The following TOPAZ1 variants were observed in gnomAD, a reference collection of about 807,000 sequenced individuals.
The protein encoded by TOPAZ1 is testis and ovary specific TOPAZ 1, also known as protein TOPAZ1.
TOPAZ1 carries 66 observed loss-of-function variants against 172.2 expected under a neutral mutation model. The observed-to-expected ratio is 0.38, with a 90% CI of 0.31 to 0.47. The LOEUF (loss-of-function observed/expected upper bound fraction) is 0.47, where lower values mean the gene tolerates loss of function less well. Ranked by LOEUF, TOPAZ1 falls within the 20% of genes least tolerant of loss-of-function variation. The pLI is 0.99. For synonymous variants in TOPAZ1, 681 were observed against 683.9 expected (o/e 1.00, Z 0.07); for missense variants, 1,822 against 1,972.4 (o/e 0.92, Z 1.44).
chr3:44,263,471 T>C (rs1172203907), intron 5 of TOPAZ1, among the ~76,000 whole-genome samples: 1 of 152,232 alleles, frequency 6.6e-6, no homozygotes, highest in African/African-American at 2.4e-5. Flanking sequence ...CTCTTCCATC[T>C]ATAAAAATTC....
chr3:44,328,594 TTAAAC>T (rs1454272084), intron 19 of TOPAZ1, among the ~76,000 whole-genome samples, 161 bp downstream of exon 19: 2 of 152,162 alleles, frequency 1.3e-5, no homozygotes, highest in Non-Finnish European at 2.9e-5. Flanking sequence ...CTGATATCAT[TTAAAC>T]TAAGAAAGGA....
At chr3:44,272,601 G>A (rs575118260) in intron 8 of TOPAZ1, among the ~76,000 whole-genome samples, 2 of 152,034 alleles carry the variant, frequency 1.3e-5, no homozygotes, top group African/African-American at 4.8e-5. Context: ...TTGCTCTGTT[G>A]CCCAGGCTGG....
intron 11 of TOPAZ1, among the ~76,000 whole-genome samples, chr3:44,289,527 G>A (rs371141671): frequency 2.6e-5 from 4 of 152,118 alleles, no homozygotes; most frequent in South Asian, 2.1e-4. Context: ...GTTGAATAAC[G>A]TGTCTTAGGG....
chr3:44,278,981 T>G lies in TOPAZ1; in HGVS notation c.3373-2987T>G, dbSNP rs190728326. 3.4e-4 allele frequency among the ~76,000 whole-genome samples: 52 copies of G among 152,274 alleles called. 1 individual carries two copies. The highest frequency in any genetic ancestry group is 1.3e-3 in the African/African-American group (52 of 41,580). ...ACATAGGCATTTAATGCTATAAACT[T>G]CCCTTTTAGAATAGTTGTTGCTATA... On this transcript the variant is annotated intron_variant, in intron 8 of 19. Transcript: ENST00000309765.
intron 18 of TOPAZ1, among the ~76,000 whole-genome samples, chr3:44,323,935 A>G (rs976984964): frequency 5.3e-5 from 8 of 152,174 alleles, no homozygotes; most frequent in African/African-American, 1.9e-4. Flanking sequence ...TTCTGCCTTC[A>G]TGCAGTAATT....
Position 44,321,683 on chromosome 3 carries a change from A to T in TOPAZ1, c.4471+492A>T, listed in dbSNP as rs567976465. On this transcript the variant is annotated intron_variant, in intron 17 of 19. Transcript: ENST00000309765. ...CTTTGGGTCAAGAATGAGCTATGTGATAGGTTCAGAGGATGACGAAAACGT... is the reference window on the plus strand; with the variant it reads ...CTTTGGGTCAAGAATGAGCTATGTGTTAGGTTCAGAGGATGACGAAAACGT... 4.6e-5 allele frequency among the ~76,000 whole-genome samples: 7 copies of T among 152,272 alleles called. No homozygotes were observed. The South Asian group carries it at 1.5e-3, about 32-fold the overall frequency.
chr3:44,245,871 T>C (rs1216719135), intron 2 of TOPAZ1, among the ~76,000 whole-genome samples: 1 of 152,224 alleles, frequency 6.6e-6, no homozygotes, highest in Non-Finnish European at 1.5e-5. Flanking sequence ...TGGAGATTGC[T>C]TCTTTCAAAA....
intron 4 of TOPAZ1, among the ~76,000 whole-genome samples, chr3:44,258,192 T>G (rs1699736885): frequency 6.6e-6 from 1 of 152,236 alleles, no homozygotes; most frequent in Admixed American, 6.5e-5. Flanking sequence ...GTGCTATAAA[T>G]GTATCCATAA....
At chr3:44,323,395 G>A in intron 18 of TOPAZ1, 100 bp downstream of exon 18, 1 of 696,096 alleles carries the variant, frequency 1.4e-6, no homozygotes, top group Admixed American at 3.3e-5. Flanking sequence ...TGTATTAAAA[G>A]AGCAGTAATA....
intron 16 of TOPAZ1, among the ~76,000 whole-genome samples, chr3:44,320,115 T>C (rs991586058): frequency 6.6e-6 from 1 of 152,192 alleles, no homozygotes; most frequent in African/African-American, 2.4e-5. Context: ...TTAAGGAACT[T>C]CAGCATTATA....
rs868396783 is a variant in TOPAZ1 at position 44,242,273 on chromosome 3, G to A, written c.220G>A (p.Ala74Thr). 6.5e-7 allele frequency: 1 copy of A among 1,550,368 alleles called. No homozygotes were observed. Among genetic ancestry groups the A allele is most frequent in the Non-Finnish European group, 8.7e-7 (1 of 1,146,738 alleles). ...TGATAAGTCGGTTGCAGCATCAGGG[G>A]CTGGAAAGGCCGCAAGGCGTCAGGT... ...ESDKSVAASG[A>T]GKAARRQVEG... The change falls in exon 1 of 20, where the codon GCT becomes ACT. Residue 74 changes from alanine (A) to threonine (T), a missense_variant. Physicochemically the swap from Ala to Thr is moderately conservative, Grantham distance 58. This residue lies in a region of TOPAZ1 where 1,489 missense variants were observed against 1,490.8 expected (regional missense o/e 1.00). Coordinates refer to ENST00000309765, the MANE Select transcript of TOPAZ1 (RefSeq NM_001145030.2).
In TOPAZ1 at chr3:44,289,364, G is replaced by GGA. The variant is rs1700111001; in HGVS notation, c.3682-1405_3682-1404dup. Reference sequence around the variant, plus strand: ...GTAGTGGATTGGTAGGTTTAGGAGAGGAGCTGTTTTCCTCTTTTAAAATAA... The same window carrying GGA: ...GTAGTGGATTGGTAGGTTTAGGAGAGGAGAGCTGTTTTCCTCTTTTAAAATAA... On this transcript the variant is annotated intron_variant, in intron 11 of 19. Transcript: ENST00000309765. 2.6e-5 allele frequency among the ~76,000 whole-genome samples: 4 copies of GGA among 152,164 alleles called. No homozygotes were observed. In the South Asian group the frequency reaches 8.3e-4, roughly 32 times the overall value.
At position 44,328,221 on chromosome 3, in the gene TOPAZ1, A is replaced by G. The variant is rs966032312; in HGVS notation, c.4676-29A>G. The G allele has an allele frequency of 1.1e-5, 15 of 1,423,016 alleles. No homozygotes were observed. The African/African-American group carries it at 1.8e-4, about 17-fold the overall frequency. The allele number at this position is 1,423,016 out of a possible 1,614,324, so 88.1% of individuals were successfully genotyped here. On this transcript the variant is annotated intron_variant, in intron 18 of 19. Coordinates refer to ENST00000309765, the MANE Select transcript of TOPAZ1 (RefSeq NM_001145030.2). Reference sequence around the variant, plus strand: ...AGGTTTTTACCTATTGGGTTTTAGTAAAGTTTGACCTATTATTTGATTTTT... The same window carrying G: ...AGGTTTTTACCTATTGGGTTTTAGTGAAGTTTGACCTATTATTTGATTTTT...
intron 2 of TOPAZ1, among the ~76,000 whole-genome samples, chr3:44,246,239 G>A (rs1044288388): frequency 6.7e-6 from 1 of 149,966 alleles, no homozygotes. Flanking sequence ...TTCATGCTCA[G>A]GAACTTAATC....
At position 44,246,511 on chromosome 3, in the gene TOPAZ1, A is replaced by G. The variant is rs545981059; in HGVS notation, c.2765+1240A>G. ...AACTTGAAACTTATCACCAAATATAATGCTGTCTATGTGCCAAATGGAGAA... is the reference window on the plus strand; with the variant it reads ...AACTTGAAACTTATCACCAAATATAGTGCTGTCTATGTGCCAAATGGAGAA... On this transcript the variant is annotated intron_variant, in intron 2 of 19. Transcript: ENST00000309765. 2.6e-5 allele frequency among the ~76,000 whole-genome samples: 4 copies of G among 152,318 alleles called. No homozygotes were observed. In the South Asian group the frequency reaches 6.2e-4, roughly 24 times the overall value.
intron 2 of TOPAZ1, among the ~76,000 whole-genome samples, chr3:44,246,725 GT>G (rs1448265563): frequency 3.3e-5 from 5 of 152,258 alleles, no homozygotes; most frequent in African/African-American, 1.2e-4. Flanking sequence ...TCTGACCTTG[GT>G]TTTTGAATCT....
chr3:44,288,424 C>G (rs1700102080), intron 11 of TOPAZ1, among the ~76,000 whole-genome samples: 1 of 152,156 alleles, frequency 6.6e-6, no homozygotes, highest in Non-Finnish European at 1.5e-5. Context: ...TGGCTCACGC[C>G]TGTAATCCTA....
chr3:44,251,834 T>C (rs149732322), intron 2 of TOPAZ1, among the ~76,000 whole-genome samples: 4 of 152,336 alleles, frequency 2.6e-5, no homozygotes, highest in African/African-American at 9.6e-5. Flanking sequence ...CAAATCTCTT[T>C]TATCTCCTTT....
intron 8 of TOPAZ1, among the ~76,000 whole-genome samples, chr3:44,273,797 A>G (rs985593102): frequency 2.0e-5 from 3 of 152,224 alleles, no homozygotes; most frequent in Admixed American, 1.3e-4. Context: ...AATCAATGTT[A>G]TTTAATATAA....
Sources: gnomAD v4.1 joint callset for allele counts (sites outside exome capture counted in the v4.1 genomes callset) on GRCh38, gnomAD v4.1.1 for gene constraint, gnomAD v4.1.1 regional missense constraint, MANE v1.5 for transcripts, NCBI Gene and HGNC (gene_info 2026-07-23, HGNC 2026-07-21) for gene names.